SYNE2: variants seen among roughly 807,000 people sequenced by gnomAD.
The protein encoded by SYNE2 is nesprin-2.
SYNE2 carries 431 observed loss-of-function variants against 856.3 expected under a neutral mutation model. The ratio of observed to expected loss-of-function variants is 0.50; its 90% CI spans 0.47 to 0.55. SYNE2 has a LOEUF of 0.55. SYNE2 is among the 20% of genes least tolerant of loss of function. The pLI, the probability that SYNE2 is intolerant of heterozygous loss-of-function variation, is 0.00. For synonymous variants in SYNE2, 2,923 were observed against 2,872.3 expected (o/e 1.02, Z -0.56); for missense variants, 8,129 against 8,023.2 (o/e 1.01, Z -0.50).
chr14:63,914,892 C>T (rs974844678), intron 2 of SYNE2, among the ~76,000 whole-genome samples: 9 of 152,184 alleles, frequency 5.9e-5, no homozygotes, highest in Non-Finnish European at 1.2e-4. Context: ...GTTCTTGTGT[C>T]TTAGCCACCT....
chr14:64,081,986 T>C (rs1405477977), intron 57 of SYNE2, among the ~76,000 whole-genome samples: 2 of 151,706 alleles, frequency 1.3e-5, no homozygotes, highest in African/African-American at 2.4e-5. Context: ...CTCGGGAGGC[T>C]GAGGCAGGAG....
chr14:63,827,749 C>T (rs1889509336), intron 1 of SYNE2, among the ~76,000 whole-genome samples: 1 of 150,540 alleles, frequency 6.6e-6, no homozygotes. Context: ...GTATTACACT[C>T]TCACAGGGGG....
chr14:63,876,948 A>C (rs67011590), intron 1 of SYNE2, among the ~76,000 whole-genome samples: 1 of 151,972 alleles, frequency 6.6e-6, no homozygotes, highest in African/African-American at 2.4e-5. Flanking sequence ...CAGACCTGTT[A>C]TTGAGGATTA....
At chr14:63,996,781 G>A (rs2096717070) in intron 23 of SYNE2, among the ~76,000 whole-genome samples, 166 bp from the exon 24 acceptor site, 1 of 152,130 alleles carries the variant, frequency 6.6e-6, no homozygotes, top group Non-Finnish European at 1.5e-5. Context: ...TTCCTTTAGA[G>A]CTGACTCTCT....
At chr14:63,999,688 T>C (rs1010791535) in intron 27 of SYNE2, among the ~76,000 whole-genome samples, 2 of 152,246 alleles carry the variant, frequency 1.3e-5, no homozygotes, top group Non-Finnish European at 2.9e-5. Flanking sequence ...AAAGATGATC[T>C]GTGCATTGCA....
chr14:63,863,594 CAAAT>C (rs1174313728), intron 1 of SYNE2, among the ~76,000 whole-genome samples: 4 of 152,034 alleles, frequency 2.6e-5, no homozygotes, highest in African/African-American at 7.2e-5. Flanking sequence ...GCCTCCAAAA[CAAAT>C]AAAAACCCCC....
chr14:64,133,196 ACT>A (rs201421669), intron 77 of SYNE2, among the ~76,000 whole-genome samples: 5,989 of 146,312 alleles, frequency 0.041, 164 homozygotes, highest in Non-Finnish European at 0.047. Context: ...ACAGAGCGAG[ACT>A]CTGTCTCAAA....
chr14:63,833,287 A>G (rs187786298), intron 1 of SYNE2, among the ~76,000 whole-genome samples: 3 of 152,320 alleles, frequency 2.0e-5, no homozygotes, highest in Admixed American at 1.3e-4. Context: ...TAGTATTAAA[A>G]TATTTATTAA....
chr14:63,993,926 T>C lies in SYNE2; in HGVS notation c.2738T>C (p.Met913Thr), dbSNP rs770869083. The change falls in exon 22 of 116, where the codon ATG (methionine) becomes ACG (threonine). Residue 913 changes from methionine (M) to threonine (T), a missense_variant. By Grantham distance (81) the Met-to-Thr change is moderately conservative. This residue lies in a region of SYNE2 where 2,422 missense variants were observed against 2,357.4 expected (regional missense o/e 1.03). Coordinates refer to ENST00000555002, the MANE Select transcript of SYNE2 (RefSeq NM_182914.3). ...LKNNVTEDIKMSLEEKSRDVC... is the reference protein window; with the variant it reads ...LKNNVTEDIKTSLEEKSRDVC... ...AATAATGTAACTGAGGACATAAAGA[T>C]GTCTTTAGAAGAAAAGAGTAGAGAT... The C allele has an allele frequency of 6.2e-7, 1 of 1,613,652 alleles. No individual in the cohort carries two copies. Among genetic ancestry groups the C allele is most frequent in the Admixed American group, 1.7e-5 (1 of 60,000 alleles).
At chr14:64,197,217 ATGGTGGC>A (rs2139821154) in intron 99 of SYNE2, 1 of 152,370 alleles carries the variant, frequency 6.6e-6, no homozygotes, top group African/African-American at 2.4e-5. Context: ...CACCGATGAG[ATGGTGGC>A]TGCGGAGTGT....
chr14:64,048,773 A>G (rs1276246545), intron 46 of SYNE2: 2 of 151,946 alleles, frequency 1.3e-5, no homozygotes, highest in Non-Finnish European at 1.5e-5. Context: ...TTTAGGCAAG[A>G]TGATGTGTGC....
At position 64,122,405 on chromosome 14, in the gene SYNE2, T is replaced by C. The variant is rs763591672; in HGVS notation, c.13400T>C (p.Leu4467Pro). Residue 4467 changes from leucine (L) to proline (P), a missense_variant, in exon 70 of 116, where the codon CTC becomes CCC. By Grantham distance (98) the Leu-to-Pro change is moderately conservative (BLOSUM62 -3). Around this residue, in one of 3 missense-constraint regions of SYNE2, gnomAD observed 5,410 missense variants for 5,284.8 expected, o/e 1.02. Transcript: ENST00000555002. ...HELSSKIKLP[L>P]PQLVEPQVST... is the part of the protein sequence containing the mutation. ...CTCTCATCAAAAATAAAGCTCCCAC[T>C]CCCTCAGCTTGTGGAGCCTCAGGTC... 3.7e-6 allele frequency: 6 copies of C among 1,614,158 alleles called. No individual in the cohort carries two copies. The highest frequency in any genetic ancestry group is 3.4e-6 in the Non-Finnish European group (4 of 1,180,030).
rs138921286 is a variant in SYNE2, at chr14:63,995,676, G to C, written c.2940+474G>C. On this transcript the variant is annotated intron_variant, in intron 23 of 115. Coordinates refer to ENST00000555002, the MANE Select transcript of SYNE2 (RefSeq NM_182914.3). The stretch of plus-strand genomic sequence containing the variant: ...TTTCATTTCTTTTTAAGTTTCTACT[G>C]TTGTGGCTCTCCCACTGTCAGTCTC... 1.6e-3 allele frequency among the ~76,000 whole-genome samples: 242 copies of C among 151,914 alleles called. 2 individuals carry two copies. Among genetic ancestry groups the C allele is most frequent in the African/African-American group, 5.7e-3 (235 of 41,432 alleles).
chr14:63,884,882 C>T (rs921656527), intron 1 of SYNE2, among the ~76,000 whole-genome samples: 4 of 152,126 alleles, frequency 2.6e-5, no homozygotes, highest in Admixed American at 6.5e-5. Flanking sequence ...CCTTGTGATC[C>T]GCCCGCCTCG....
intron 1 of SYNE2, among the ~76,000 whole-genome samples, chr14:63,832,886 A>AAAG (rs1566596257): frequency 2.0e-5 from 3 of 148,968 alleles, no homozygotes; most frequent in Non-Finnish European, 3.0e-5. Context: ...AAAAAAAAAA[A>AAAG]AAAATTAGTC....
intron 49 of SYNE2, among the ~76,000 whole-genome samples, chr14:64,057,124 C>G (rs949316613): frequency 6.6e-6 from 1 of 152,012 alleles, no homozygotes; most frequent in African/African-American, 2.4e-5. Context: ...TTTTGTGTTA[C>G]AAACAATCCA....
intron 1 of SYNE2, among the ~76,000 whole-genome samples, chr14:63,807,634 G>T (rs1247892193): frequency 6.8e-6 from 1 of 147,968 alleles, no homozygotes; most frequent in South Asian, 2.1e-4. Flanking sequence ...GAGTTGGTCT[G>T]CTCTTGGTAA....
chr14:64,203,317 C>G (rs141973920), intron 100 of SYNE2, among the ~76,000 whole-genome samples: 35 of 152,140 alleles, frequency 2.3e-4, no homozygotes, highest in African/African-American at 8.0e-4. Flanking sequence ...CTTTTCTAAC[C>G]AAGGAAGGTT....
At chr14:63,798,315 G>A (rs1330721859) in intron 1 of SYNE2, among the ~76,000 whole-genome samples, 2 of 151,212 alleles carry the variant, frequency 1.3e-5, no homozygotes, top group Non-Finnish European at 2.9e-5. Context: ...CTCCCAAAGT[G>A]CAAGAATTAC....
Sources: gnomAD v4.1 joint callset for allele counts (sites outside exome capture counted in the v4.1 genomes callset) on GRCh38, gnomAD v4.1.1 for gene constraint, gnomAD v4.1.1 regional missense constraint, MANE v1.5 for transcripts, NCBI Gene and HGNC (gene_info 2026-07-23, HGNC 2026-07-21) for gene names.